The following CUL1 variants were observed in gnomAD, a reference collection of about 807,000 sequenced individuals.
CUL1 encodes the protein cullin-1.
Under a neutral mutation model 118.0 loss-of-function variants are expected in CUL1, and 24 were observed. The ratio of observed to expected loss-of-function variants is 0.20; its 90% CI spans 0.15 to 0.29. The LOEUF (loss-of-function observed/expected upper bound fraction) is 0.29. Ranked by LOEUF, CUL1 falls within the 10% of genes least tolerant of loss-of-function variation. The pLI, the probability that CUL1 is intolerant of heterozygous loss-of-function variation, is 1.00. For missense variants in CUL1, 361 were observed against 933.8 expected, an observed-to-expected ratio of 0.39 and a Z score of 7.99; for synonymous variants, 332 against 340.4, an observed-to-expected ratio of 0.98 and a Z score of 0.27.
chr7:148,791,985 G>A (rs746171453), intron 16 of CUL1, among the ~76,000 whole-genome samples: 5 of 152,104 alleles, frequency 3.3e-5, no homozygotes, highest in Admixed American at 6.5e-5. Flanking sequence ...TCAGGAGTTC[G>A]AGACCAGCCT....
chr7:148,712,592 T>C (rs930277593), intron 1 of CUL1, among the ~76,000 whole-genome samples: 1 of 152,232 alleles, frequency 6.6e-6, no homozygotes, highest in South Asian at 2.1e-4. Context: ...TGCATAGATA[T>C]TAGAAACCCT....
chr7:148,779,642 C>T (rs1202616551), intron 9 of CUL1, among the ~76,000 whole-genome samples: 1 of 152,096 alleles, frequency 6.6e-6, no homozygotes, highest in African/African-American at 2.4e-5. Context: ...AGGAAACCAA[C>T]GGAGAGTGAT....
chr7:148,752,559 T>C (rs1799522288), intron 2 of CUL1, among the ~76,000 whole-genome samples: 1 of 148,644 alleles, frequency 6.7e-6, no homozygotes, highest in South Asian at 2.2e-4. Flanking sequence ...TGTTCATGTT[T>C]CCATAGAGAT....
intron 11 of CUL1, among the ~76,000 whole-genome samples, chr7:148,784,332 C>G (rs1018015226): frequency 2.0e-5 from 3 of 152,166 alleles, no homozygotes; most frequent in African/African-American, 7.2e-5. Context: ...AGGCCCCACC[C>G]TGTTCGCTTC....
At position 148,797,925 on chromosome 7, in the gene CUL1, G is replaced by C. The variant is rs982532468; in HGVS notation, c.1948-12G>C. On this transcript the variant is annotated splice_polypyrimidine_tract_variant and intron_variant, in intron 18 of 21. Transcript: ENST00000325222. ...TTCCTGAGATTGTAGAGTAACAATTGTTTTCTTACAGGTCTTGGAAGATGA... is the reference window on the plus strand; with the variant it reads ...TTCCTGAGATTGTAGAGTAACAATTCTTTTCTTACAGGTCTTGGAAGATGA... 1.2e-6 allele frequency: 2 copies of C among 1,611,588 alleles called. No homozygotes were observed. The highest frequency in any genetic ancestry group is 1.7e-6 in the Non-Finnish European group (2 of 1,178,110).
rs562239024 is a variant in CUL1, at chr7:148,722,687, T to A, written c.-161-7275T>A. Among the ~76,000 whole-genome samples, 641 of 152,356 alleles carry A rather than the reference T, an allele frequency of 4.2e-3. 2 individuals carry two copies. Among genetic ancestry groups the A allele is most frequent in the Middle Eastern group, 0.01 (3 of 294 alleles). On this transcript the variant is annotated intron_variant, in intron 1 of 21. Coordinates refer to ENST00000325222, the MANE Select transcript of CUL1 (RefSeq NM_003592.3). Reference sequence around the variant, plus strand: ...GGACACTTTGGCACAGCCCAGAACCTTCCTCTCCACTCCTGAAACCTATTA... The same window carrying A: ...GGACACTTTGGCACAGCCCAGAACCATCCTCTCCACTCCTGAAACCTATTA...
chr7:148,751,547 A>G (rs920280762), intron 2 of CUL1, among the ~76,000 whole-genome samples: 4 of 151,610 alleles, frequency 2.6e-5, no homozygotes, highest in African/African-American at 9.7e-5. Context: ...AAAAAAAAAA[A>G]AAAAAAACCT....
At chr7:148,795,687 G>T (rs1801171186) in intron 17 of CUL1, among the ~76,000 whole-genome samples, 1 of 151,046 alleles carries the variant, frequency 6.6e-6, no homozygotes, top group Non-Finnish European at 1.5e-5. Flanking sequence ...AGAGAATGGT[G>T]TGAACCCAGG....
At chr7:148,706,052 C>A (rs1475932525) in intron 1 of CUL1, among the ~76,000 whole-genome samples, 1 of 152,130 alleles carries the variant, frequency 6.6e-6, no homozygotes, top group Non-Finnish European at 1.5e-5. Flanking sequence ...TGATGGGCCA[C>A]GGTCAACATG....
At chr7:148,720,228 GTT>G (rs1798356591) in intron 1 of CUL1, among the ~76,000 whole-genome samples, 1 of 152,200 alleles carries the variant, frequency 6.6e-6, no homozygotes, top group Non-Finnish European at 1.5e-5. Flanking sequence ...GTGAGTGCCT[GTT>G]TGTGTTTTAG....
Position 148,783,871 on chromosome 7 carries a change from T to C in CUL1, c.1172T>C (p.Phe391Ser). The part of the protein sequence containing the change: ...VMSAFNNDAG[F>S]VAALDKACGR... ...TCTGCATTCAACAATGACGCTGGCTTTGTGGCTGCTCTTGATAAGGTAGGT... is the reference window on the plus strand; with the variant it reads ...TCTGCATTCAACAATGACGCTGGCTCTGTGGCTGCTCTTGATAAGGTAGGT... The change falls in exon 10 of 22, where the codon TTT becomes TCT. Residue 391 changes from phenylalanine to serine, a missense_variant. Phe to Ser is a radical substitution (Grantham distance 155, BLOSUM62 -2). This residue lies in a region of CUL1 where 169 missense variants were observed against 429.7 expected (regional missense o/e 0.39). Coordinates refer to ENST00000325222, the MANE Select transcript of CUL1 (RefSeq NM_003592.3). 1 of 1,614,222 alleles carries C rather than the reference T, an allele frequency of 6.2e-7. No homozygotes were observed. Among genetic ancestry groups the C allele is most frequent in the Non-Finnish European group, 8.5e-7 (1 of 1,180,044 alleles).
intron 1 of CUL1, among the ~76,000 whole-genome samples, chr7:148,720,600 T>G (rs574850838): frequency 1.3e-5 from 2 of 152,106 alleles, no homozygotes; most frequent in South Asian, 4.2e-4. Context: ...GGGCAGTTAG[T>G]AGAGAGGGTG....
intron 1 of CUL1, among the ~76,000 whole-genome samples, chr7:148,713,697 T>C (rs984953169): frequency 9.9e-5 from 15 of 152,194 alleles, no homozygotes; most frequent in Non-Finnish European, 2.2e-4. Flanking sequence ...AAGGAATGAA[T>C]TAAATTAGCA....
At chr7:148,770,812 G>T (rs191658177) in intron 9 of CUL1, among the ~76,000 whole-genome samples, 1 of 152,048 alleles carries the variant, frequency 6.6e-6, no homozygotes, top group Non-Finnish European at 1.5e-5. Flanking sequence ...CTTTTAAATA[G>T]GTTTTAGTTT....
At chr7:148,783,619 T>G in intron 9 of CUL1, 164 bp from the exon 10 acceptor site, 1 of 1,533,924 alleles carries the variant, frequency 6.5e-7, no homozygotes. Flanking sequence ...TCCTATGTGT[T>G]TCAACGATGG....
At chr7:148,722,483 GT>G (rs1255318340) in intron 1 of CUL1, among the ~76,000 whole-genome samples, 4 of 152,166 alleles carry the variant, frequency 2.6e-5, no homozygotes, top group African/African-American at 9.7e-5. Flanking sequence ...CTCTCCAGAT[GT>G]GGCTGTTCCT....
rs765499913 is a variant in CUL1, at chr7:148,727,620, G to A, written c.-161-2342G>A. On this transcript the variant is annotated intron_variant, in intron 1 of 21. Coordinates refer to ENST00000325222, the MANE Select transcript of CUL1 (RefSeq NM_003592.3). ...GGAAAATCCCATTTAAAGCAAACCT[G>A]TACGTCTTCTGGGACTTCCTAGTAA... Among the ~76,000 whole-genome samples the A allele has an allele frequency of 1.1e-4, 16 of 152,284 alleles. 1 individual carries two copies. The highest frequency in any genetic ancestry group is 6.8e-3 in the Middle Eastern group (2 of 294).
intron 2 of CUL1, among the ~76,000 whole-genome samples, chr7:148,738,301 A>G (rs243504): frequency 0.45 from 68,181 of 152,046 alleles, 16,270 homozygotes; most frequent in African/African-American, 0.62. Flanking sequence ...CTGGCACTGG[A>G]CAGGTGCCCA....
chr7:148,799,498 T>C, intron 21 of CUL1, 110 bp downstream of exon 21: 2 of 688,190 alleles, frequency 2.9e-6, no homozygotes, highest in Non-Finnish European at 5.0e-6. Flanking sequence ...GCTGGCTTCT[T>C]TGTATGTAGA....
Sources: allele counts gnomAD v4.1 joint callset (sites outside exome capture counted in the v4.1 genomes callset), GRCh38; gene constraint gnomAD v4.1.1; regional missense constraint gnomAD v4.1.1; transcripts MANE v1.5; gene names NCBI Gene and HGNC (gene_info 2026-07-23, HGNC 2026-07-21).